BCLAF3: variants seen among roughly 807,000 people sequenced by gnomAD.
The protein encoded by BCLAF3 is BCLAF1 and THRAP3 family member 3, also known as transient octamer binding factor 1.
BCLAF3 carries 24 observed loss-of-function variants against 51.2 expected under a neutral mutation model. That is an observed-to-expected ratio of 0.47 (90% CI 0.34 to 0.66). BCLAF3 has a LOEUF of 0.66. BCLAF3 is among the 30% of genes least tolerant of loss of function. The pLI is 0.01. For missense variants in BCLAF3, 465 were observed against 525.1 expected, an observed-to-expected ratio of 0.89 and a Z score of 1.12; for synonymous variants, 152 against 176.6, an observed-to-expected ratio of 0.86 and a Z score of 1.10.
At chrX:19,957,766 T>A (rs183718726) in intron 4 of BCLAF3, among the ~76,000 whole-genome samples, 6 of 112,008 alleles carry the variant, frequency 5.4e-5, no homozygotes, top group Admixed American at 2.9e-4. Flanking sequence ...TAATAAAAAA[T>A]TTAAATTATC....
At chrX:19,955,034 T>G (rs1445438067) in intron 5 of BCLAF3, among the ~76,000 whole-genome samples, 1 of 111,881 alleles carries the variant, frequency 8.9e-6, no homozygotes, top group African/African-American at 3.2e-5. Context: ...CTAGGCTTCC[T>G]GATTTCTTGA....
intron 10 of BCLAF3, 61 bp downstream of exon 10, chrX:19,935,748 A>T: frequency 1.1e-6 from 1 of 943,177 alleles, no homozygotes; most frequent in Non-Finnish European, 1.5e-6. Context: ...CTAACACTTA[A>T]AACATTGTGT....
At chrX:19,932,525 A>ATTTTTTTTTT (rs58949658) in intron 10 of BCLAF3, among the ~76,000 whole-genome samples, 1 of 77,410 alleles carries the variant, frequency 1.3e-5, no homozygotes, top group African/African-American at 5.6e-5. Flanking sequence ...ACAAGTCAAG[A>ATTTTTTTTTT]TTTTTTTTTT....
chrX:19,937,450 T>A lies in BCLAF3; in HGVS notation c.1828A>T (p.Asn610Tyr). Residue 610 changes from asparagine to tyrosine, a missense_variant, in exon 9 of 12, where the codon AAT (asparagine) becomes TAT (tyrosine). Physicochemically the swap from Asn to Tyr is moderately radical, Grantham distance 143 (BLOSUM62 -2). Coordinates refer to ENST00000379682, the MANE Select transcript of BCLAF3 (RefSeq NM_001367774.2). ...GGTTTTTCAATACATTTTCTAAAAT[T>A]TGATTTTATAAAATGTGTGGGTTTT... ...FQKPTHFIKS[N>Y]FRKCIEKPYM... 8.5e-7 allele frequency: 1 copy of A among 1,175,687 alleles called. No individual in the cohort carries two copies. Among genetic ancestry groups the A allele is most frequent in the South Asian group, 1.8e-5 (1 of 54,492 alleles).
At chrX:19,983,575 C>T (rs2072692812) in intron 1 of BCLAF3, among the ~76,000 whole-genome samples, 1 of 110,350 alleles carries the variant, frequency 9.1e-6, no homozygotes. Flanking sequence ...TGTAGCTGGG[C>T]ATGGTGGCAT....
intron 9 of BCLAF3, among the ~76,000 whole-genome samples, chrX:19,936,604 T>G (rs990062707): frequency 2.7e-5 from 3 of 111,328 alleles, no homozygotes; most frequent in Non-Finnish European, 5.7e-5. Context: ...TCCCTTCGAG[T>G]GTCGGCAGGG....
intron 1 of BCLAF3, among the ~76,000 whole-genome samples, chrX:19,983,944 C>T (rs762922293): frequency 6.6e-4 from 71 of 107,889 alleles, no homozygotes; most frequent in African/African-American, 2.2e-3. Flanking sequence ...TGGCGGCACG[C>T]GCCTATAGTC....
chrX:19,947,953 T>A (rs746468789), intron 8 of BCLAF3, among the ~76,000 whole-genome samples: 1 of 112,392 alleles, frequency 8.9e-6, no homozygotes, highest in African/African-American at 3.2e-5. Flanking sequence ...TATAATGAGG[T>A]CAATTTTTAT....
At chrX:19,961,133 G>A (rs2071840096) in intron 4 of BCLAF3, among the ~76,000 whole-genome samples, 2 of 112,214 alleles carry the variant, frequency 1.8e-5, no homozygotes, top group South Asian at 7.3e-4. Flanking sequence ...ACCTGCATTT[G>A]TCTGCCCCAA....
At chrX:19,941,659 G>C (rs1244752846) in intron 8 of BCLAF3, among the ~76,000 whole-genome samples, 5 of 109,713 alleles carry the variant, frequency 4.6e-5, no homozygotes, top group Non-Finnish European at 9.5e-5. Flanking sequence ...GTACCATGCT[G>C]TTTTGGTTAC....
chrX:19,940,750 T>C (rs1482009443), intron 8 of BCLAF3, among the ~76,000 whole-genome samples: 8 of 110,179 alleles, frequency 7.3e-5, no homozygotes, highest in African/African-American at 2.3e-4. Flanking sequence ...TGTGTCTTTA[T>C]AGCAGCATGA....
rs2071566711 is a variant in BCLAF3, at chrX:19,953,626, T to C, written c.1565+152A>G. 1.3e-5 allele frequency: 5 copies of C among 377,940 alleles called. No homozygotes were observed. The East Asian group carries it at 2.0e-4, about 15-fold the overall frequency. 31.1% of individuals were successfully genotyped at this position (377,940 alleles called of 1,213,427 possible). On this transcript the variant is annotated intron_variant, in intron 6 of 11. Transcript: ENST00000379682. The stretch of plus-strand genomic sequence containing the variant: ...TCAAAGTGCAGTGGCCAGATAATGC[T>C]TGGATTATCCTATTATTTTTGTGCA...
At chrX:19,967,390 T>C (rs2072093761) in intron 2 of BCLAF3, among the ~76,000 whole-genome samples, 1 of 111,951 alleles carries the variant, frequency 8.9e-6, no homozygotes, top group Non-Finnish European at 1.9e-5. Context: ...AGATGTGCTG[T>C]TCGAACAGAG....
At position 19,970,944 on chromosome X, in the gene BCLAF3, C is replaced by T. The variant is rs188028286; in HGVS notation, c.-34-646G>A. ...AGAGGAAAAATTACCCAGAATTCCT[C>T]TATCTGAATACAAGCACTACTACTT... is the stretch of plus-strand genomic sequence containing the variant. On this transcript the variant is annotated intron_variant, in intron 1 of 11. Coordinates refer to ENST00000379682, the MANE Select transcript of BCLAF3 (RefSeq NM_001367774.2). Among the ~76,000 whole-genome samples, 14 of 112,151 alleles carry T rather than the reference C, an allele frequency of 1.2e-4. No homozygotes were observed. In the East Asian group the frequency reaches 2.5e-3, roughly 20 times the overall value.
intron 8 of BCLAF3, among the ~76,000 whole-genome samples, chrX:19,948,046 TAAG>T (rs777071894): frequency 4.8e-4 from 54 of 112,359 alleles, no homozygotes; most frequent in Admixed American, 1.9e-3. Flanking sequence ...GAGAGATTAA[TAAG>T]AAGAGTTGGC....
At chrX:19,947,808 A>G (rs919639983) in intron 8 of BCLAF3, among the ~76,000 whole-genome samples, 4 of 112,578 alleles carry the variant, frequency 3.6e-5, no homozygotes, top group Non-Finnish European at 7.5e-5. Context: ...GAAAGGCTGC[A>G]TACAACTTTT....
At chrX:19,920,146 T>C (rs750379985) in intron 11 of BCLAF3, among the ~76,000 whole-genome samples, 1 of 111,848 alleles carries the variant, frequency 8.9e-6, no homozygotes, top group Non-Finnish European at 1.9e-5. Context: ...ACTGAGACTC[T>C]AGCAAACTTC....
intron 7 of BCLAF3, among the ~76,000 whole-genome samples, chrX:19,952,245 G>T (rs750724920): frequency 1.8e-5 from 2 of 111,552 alleles, no homozygotes. Context: ...CATAAGTTCA[G>T]CAAAAATTAT....
chrX:19,981,583 G>C (rs1295858488), intron 1 of BCLAF3, among the ~76,000 whole-genome samples: 1 of 111,793 alleles, frequency 8.9e-6, no homozygotes, highest in Non-Finnish European at 1.9e-5. Context: ...CTCCTAGATA[G>C]ATACCCAGGA....
Sources: allele counts gnomAD v4.1 joint callset (sites outside exome capture counted in the v4.1 genomes callset), GRCh38; gene constraint gnomAD v4.1.1; transcripts MANE v1.5; gene names NCBI Gene and HGNC (gene_info 2026-07-23, HGNC 2026-07-21).